Variants in ZNF385B observed in about 807,000 individuals in gnomAD.
The protein encoded by ZNF385B is zinc finger protein 533.
A neutral mutation model predicts 39.2 loss-of-function variants in ZNF385B; 23 were observed. The observed-to-expected ratio is 0.59, with a 90% CI of 0.42 to 0.83. ZNF385B has a LOEUF of 0.83. ZNF385B is among the 40% of genes least tolerant of loss of function. The pLI is 0.00. For missense variants in ZNF385B, 552 were observed against 598.9 expected (o/e 0.92, Z 0.82); for synonymous variants, 205 against 222.6 (o/e 0.92, Z 0.70).
chr2:179,700,150 A>T (rs945491203), intron 3 of ZNF385B, among the ~76,000 whole-genome samples: 1 of 152,194 alleles, frequency 6.6e-6, no homozygotes, highest in African/African-American at 2.4e-5. Context: ...ACCTTATGCA[A>T]ATGACTTTCC....
intron 6 of ZNF385B, among the ~76,000 whole-genome samples, chr2:179,468,865 T>TAACC: frequency 6.6e-6 from 1 of 151,776 alleles, no homozygotes; most frequent in South Asian, 2.1e-4. Context: ...TTTATGGACC[T>TAACC]ACGTACTTAC....
In ZNF385B at chr2:179,648,089, C is replaced by T. The variant is rs531173362; in HGVS notation, c.299-103120G>A. On this transcript the variant is annotated intron_variant, in intron 3 of 9. Coordinates refer to ENST00000410066, the MANE Select transcript of ZNF385B (RefSeq NM_152520.6). ...AAAGTATCCACACATGGGGGCAACC[C>T]GAGTGGAGTGAGGAGGATGTCCATG... is the stretch of plus-strand genomic sequence containing the variant. Among the ~76,000 whole-genome samples the T allele has an allele frequency of 2.3e-3, 342 of 151,962 alleles. 1 individual carries two copies. Among genetic ancestry groups the T allele is most frequent in the African/African-American group, 7.9e-3 (329 of 41,426 alleles).
chr2:179,457,652 C>G (rs2050847360), intron 6 of ZNF385B, among the ~76,000 whole-genome samples: 2 of 151,906 alleles, frequency 1.3e-5, no homozygotes, highest in South Asian at 2.1e-4. Context: ...AGCTCCTTTT[C>G]TTTTTTTTAT....
chr2:179,502,016 A>G (rs147247614), intron 5 of ZNF385B, among the ~76,000 whole-genome samples: 59 of 152,322 alleles, frequency 3.9e-4, no homozygotes, highest in African/African-American at 1.4e-3. Flanking sequence ...TTGTGCCATC[A>G]TTATACAAAA....
intron 1 of ZNF385B, among the ~76,000 whole-genome samples, chr2:179,840,987 G>C (rs560732072): frequency 2.0e-5 from 3 of 152,208 alleles, no homozygotes; most frequent in Non-Finnish European, 4.4e-5. Context: ...TCTTTTCATA[G>C]AAAGCCTATT....
intron 4 of ZNF385B, among the ~76,000 whole-genome samples, chr2:179,521,878 G>T (rs891605579): frequency 6.6e-6 from 1 of 152,012 alleles, no homozygotes; most frequent in African/African-American, 2.4e-5. Flanking sequence ...GTCTCACTTG[G>T]AACAGATTTC....
chr2:179,857,861 A>C (rs1033046489), intron 1 of ZNF385B, among the ~76,000 whole-genome samples: 1 of 152,230 alleles, frequency 6.6e-6, no homozygotes, highest in African/African-American at 2.4e-5. Context: ...TTAATAAATT[A>C]ATGACTGGAT....
chr2:179,645,817 T>C (rs1307894637), intron 3 of ZNF385B, among the ~76,000 whole-genome samples: 3 of 152,198 alleles, frequency 2.0e-5, no homozygotes, highest in Non-Finnish European at 2.9e-5. Flanking sequence ...TCCAGGCCTG[T>C]GCCCTGTTTT....
intron 3 of ZNF385B, among the ~76,000 whole-genome samples, chr2:179,678,846 C>A (rs558889120): frequency 2.0e-5 from 3 of 152,122 alleles, no homozygotes; most frequent in South Asian, 2.1e-4. Context: ...CCTATCCCCA[C>A]GGAAATTTCC....
At chr2:179,515,785 T>C (rs1460058379) in intron 5 of ZNF385B, among the ~76,000 whole-genome samples, 1 of 152,182 alleles carries the variant, frequency 6.6e-6, no homozygotes, top group Admixed American at 6.5e-5. Flanking sequence ...AGGTATACTC[T>C]ATATATAGTA....
At chr2:179,474,628 T>G (rs2053209218) in intron 6 of ZNF385B, among the ~76,000 whole-genome samples, 1 of 152,176 alleles carries the variant, frequency 6.6e-6, no homozygotes, top group African/African-American at 2.4e-5. Context: ...AGTTACATGT[T>G]ATTATTAGTA....
intron 4 of ZNF385B, among the ~76,000 whole-genome samples, chr2:179,519,017 G>A (rs566790101): frequency 6.6e-5 from 10 of 152,164 alleles, no homozygotes; most frequent in Non-Finnish European, 1.3e-4. Context: ...ATCTTGCTCT[G>A]TTGCTCAAGC....
chr2:179,645,668 C>T (rs1318311237), intron 3 of ZNF385B, among the ~76,000 whole-genome samples: 1 of 152,132 alleles, frequency 6.6e-6, no homozygotes, highest in African/African-American at 2.4e-5. Flanking sequence ...CCTTCTCCAT[C>T]CTCATCTCAG....
Position 179,670,427 on chromosome 2 carries a change from C to T in ZNF385B, c.298+99076G>A, listed in dbSNP as rs73976039. 3.3e-3 allele frequency among the ~76,000 whole-genome samples: 497 copies of T among 151,402 alleles called. 3 individuals are homozygous for T. Among genetic ancestry groups the T allele is most frequent in the African/African-American group, 0.012 (482 of 41,234 alleles). Reference sequence around the variant, plus strand: ...GCTACTCTCTAGTACTTCCACCATACAGATGTAACAGTCATAAGAAAAACT... The same window carrying T: ...GCTACTCTCTAGTACTTCCACCATATAGATGTAACAGTCATAAGAAAAACT... On this transcript the variant is annotated intron_variant, in intron 3 of 9. Transcript: ENST00000410066.
intron 3 of ZNF385B, among the ~76,000 whole-genome samples, chr2:179,606,094 A>G (rs1688776405): frequency 6.6e-6 from 1 of 152,166 alleles, no homozygotes; most frequent in African/African-American, 2.4e-5. Flanking sequence ...GCAGTCAAAA[A>G]ATTTGTAGGA....
intron 1 of ZNF385B, among the ~76,000 whole-genome samples, chr2:179,810,564 C>T (rs943518977): frequency 4.0e-5 from 6 of 151,782 alleles, no homozygotes; most frequent in Non-Finnish European, 7.4e-5. Flanking sequence ...GGAGTGTGTT[C>T]CATGTAAATA....
intron 6 of ZNF385B, among the ~76,000 whole-genome samples, chr2:179,475,907 C>A (rs1052845732): frequency 1.3e-5 from 2 of 148,396 alleles, no homozygotes; most frequent in Non-Finnish European, 3.0e-5. Flanking sequence ...ATCCCAGCTA[C>A]TTGGGAGGCA....
At chr2:179,553,535 A>G (rs1208466720) in intron 3 of ZNF385B, among the ~76,000 whole-genome samples, 1 of 148,684 alleles carries the variant, frequency 6.7e-6, no homozygotes, top group East Asian at 1.9e-4. Context: ...CAACTCTATG[A>G]TATTTATATT....
At chr2:179,734,389 A>C (rs1701604262) in intron 3 of ZNF385B, among the ~76,000 whole-genome samples, 1 of 152,232 alleles carries the variant, frequency 6.6e-6, no homozygotes. Flanking sequence ...GAATCAATTC[A>C]TACTCCACAT....
Sources: gnomAD v4.1 joint callset for allele counts (sites outside exome capture counted in the v4.1 genomes callset) on GRCh38, gnomAD v4.1.1 for gene constraint, MANE v1.5 for transcripts, NCBI Gene and HGNC (gene_info 2026-07-23, HGNC 2026-07-21) for gene names.